Variants in HIPK2 observed in about 807,000 individuals in gnomAD.
HIPK2 encodes the protein homeodomain interacting protein kinase 2.
A neutral mutation model predicts 113.7 loss-of-function variants in HIPK2; 27 were observed. The ratio of observed to expected loss-of-function variants is 0.24; its 90% CI spans 0.17 to 0.33. The LOEUF (loss-of-function observed/expected upper bound fraction) is 0.33, where lower values mean the gene tolerates loss of function less well. HIPK2 is among the 10% of genes least tolerant of loss of function. The pLI, the probability that HIPK2 is intolerant of heterozygous loss-of-function variation, is 1.00. For missense variants in HIPK2, 1,257 were observed against 1,588.0 expected, an observed-to-expected ratio of 0.79 and a Z score of 3.54; for synonymous variants, 631 against 642.2, an observed-to-expected ratio of 0.98 and a Z score of 0.26.
At chr7:139,768,047 A>T (rs1459691588) in intron 1 of HIPK2, among the ~76,000 whole-genome samples, 3 of 152,224 alleles carry the variant, frequency 2.0e-5, no homozygotes, top group Non-Finnish European at 2.9e-5. Flanking sequence ...GTGGGTGTAC[A>T]TGTAGACCTG....
chr7:139,741,773 G>C (rs549508399), intron 1 of HIPK2, among the ~76,000 whole-genome samples: 3 of 152,320 alleles, frequency 2.0e-5, no homozygotes, highest in Admixed American at 2.0e-4. Context: ...TACTCAGTAT[G>C]ATCACCACCA....
intron 12 of HIPK2, among the ~76,000 whole-genome samples, chr7:139,591,729 A>C (rs1433710126): frequency 6.6e-6 from 1 of 152,254 alleles, no homozygotes; most frequent in African/African-American, 2.4e-5. Flanking sequence ...CACATGACTG[A>C]AATATTTTTC....
rs755787461 is a variant in HIPK2 at position 139,573,101 on chromosome 7, G to C, written c.3423C>G (p.Val1141=). 6.2e-7 allele frequency: 1 copy of C among 1,612,072 alleles called. No homozygotes were observed. Reference sequence around the variant, plus strand: ...GGCCCATGCTCACGGGGACCTGGTGGACGATGCTGGCTGGGTAGGCAGTGT... The same window carrying C: ...GGCCCATGCTCACGGGGACCTGGTGCACGATGCTGGCTGGGTAGGCAGTGT... ...VQHTAYPASI[V]HQVPVSMGPR... The change falls in exon 15 of 15, where the codon GTC becomes GTG. Residue 1141 remains valine, a synonymous_variant. Transcript: ENST00000406875.
intron 2 of HIPK2, among the ~76,000 whole-genome samples, chr7:139,677,500 C>A (rs964126522): frequency 6.6e-6 from 1 of 152,102 alleles, no homozygotes; most frequent in Non-Finnish European, 1.5e-5. Context: ...GGCCTTCTTG[C>A]TGAGCCCTCA....
At chr7:139,643,668 A>C (rs1801107380) in intron 2 of HIPK2, among the ~76,000 whole-genome samples, 1 of 152,216 alleles carries the variant, frequency 6.6e-6, no homozygotes, top group Non-Finnish European at 1.5e-5. Context: ...AGGGACATGG[A>C]TCCACCTAAA....
At chr7:139,689,166 C>T (rs1192074987) in intron 2 of HIPK2, among the ~76,000 whole-genome samples, 2 of 152,306 alleles carry the variant, frequency 1.3e-5, no homozygotes, top group Non-Finnish European at 1.5e-5. Flanking sequence ...ACGGACCCCA[C>T]AGAGTGCTCC....
intron 1 of HIPK2, among the ~76,000 whole-genome samples, chr7:139,732,407 G>T (rs1298885498): frequency 1.3e-5 from 2 of 152,202 alleles, no homozygotes; most frequent in East Asian, 3.8e-4. Context: ...GTGCTGGGAG[G>T]AGGTGCCCAC....
Position 139,673,985 on chromosome 7 carries a change from C to T in HIPK2, c.1103+41947G>A, listed in dbSNP as rs188617905. 3.7e-3 allele frequency among the ~76,000 whole-genome samples: 551 copies of T among 148,092 alleles called. 4 individuals carry two copies. Among genetic ancestry groups the T allele is most frequent in the African/African-American group, 0.013 (523 of 40,244 alleles). On this transcript the variant is annotated intron_variant, in intron 2 of 14. Coordinates refer to ENST00000406875, the MANE Select transcript of HIPK2 (RefSeq NM_022740.5). ...ACTCGGGAGGCTGAGGCAGAACAAT[C>T]GTTTGAGCTGAGGAGGCAGAGGTTG...
rs146123964 is a variant in HIPK2 at position 139,681,306 on chromosome 7, G to C, written c.1103+34626C>G. ...CTGCCGTCCATCCCAGGTCAGAGCT[G>C]GTGGCAGGAGAGAGGTGGGTGGGAG... On this transcript the variant is annotated intron_variant, in intron 2 of 14. Coordinates refer to ENST00000406875, the MANE Select transcript of HIPK2 (RefSeq NM_022740.5). 7.7e-3 allele frequency among the ~76,000 whole-genome samples: 1,175 copies of C among 152,288 alleles called. 17 individuals carry two copies. Among genetic ancestry groups the C allele is most frequent in the African/African-American group, 0.027 (1,115 of 41,558 alleles).
At chr7:139,752,075 A>G (rs974554697) in intron 1 of HIPK2, among the ~76,000 whole-genome samples, 3 of 152,216 alleles carry the variant, frequency 2.0e-5, no homozygotes, top group Non-Finnish European at 2.9e-5. Context: ...TTCAAAATCA[A>G]TTGTAACTGC....
chr7:139,745,853 G>T (rs1024525579), intron 1 of HIPK2, among the ~76,000 whole-genome samples: 2 of 152,172 alleles, frequency 1.3e-5, no homozygotes, highest in Non-Finnish European at 2.9e-5. Context: ...TTACTGAATT[G>T]AGAGGTCAAT....
At chr7:139,637,509 A>G (rs970361543) in intron 2 of HIPK2, among the ~76,000 whole-genome samples, 1 of 152,076 alleles carries the variant, frequency 6.6e-6, no homozygotes, top group Non-Finnish European at 1.5e-5. Flanking sequence ...TGGCTGTCAC[A>G]TGGCTGCCTC....
intron 12 of HIPK2, among the ~76,000 whole-genome samples, chr7:139,588,243 G>A (rs369946301): frequency 6.6e-6 from 1 of 151,936 alleles, no homozygotes; most frequent in East Asian, 1.9e-4. Flanking sequence ...ACTTGAACCC[G>A]GGAGGTGGAG....
At chr7:139,633,647 TAA>T (rs1293191453) in intron 2 of HIPK2, among the ~76,000 whole-genome samples, 7 of 130,726 alleles carry the variant, frequency 5.4e-5, no homozygotes, top group Admixed American at 7.6e-5. Flanking sequence ...CCCTGTTTCT[TAA>T]AAAAAAAAAA....
intron 1 of HIPK2, among the ~76,000 whole-genome samples, chr7:139,745,034 C>T (rs1796167200): frequency 6.6e-6 from 1 of 152,212 alleles, no homozygotes; most frequent in Non-Finnish European, 1.5e-5. Flanking sequence ...GGCTGGTGGG[C>T]ACAGTCACCC....
At position 139,572,748 on chromosome 7, in the gene HIPK2, C is replaced by A. The variant is rs1452868792; in HGVS notation, c.*179G>T. ...TTCAAGTTTCACTGGTGTCCCGACCCGTCCCCCTGCCCTCTGCCCCCCCCC... is the reference window on the plus strand; with the variant it reads ...TTCAAGTTTCACTGGTGTCCCGACCAGTCCCCCTGCCCTCTGCCCCCCCCC... On this transcript the variant is annotated 3_prime_UTR_variant, in exon 15 of 15. Coordinates refer to ENST00000406875, the MANE Select transcript of HIPK2 (RefSeq NM_022740.5). 1 of 542,718 alleles carries A rather than the reference C, an allele frequency of 1.8e-6. No homozygotes were observed. Among genetic ancestry groups the A allele is most frequent in the South Asian group, 2.8e-5 (1 of 36,034 alleles). 33.6% of individuals were successfully genotyped at this position (542,718 alleles called of 1,614,324 possible).
Position 139,714,550 on chromosome 7 carries a change from G to GT in HIPK2, c.1103+1381dup, listed in dbSNP as rs765852285. Among the ~76,000 whole-genome samples, 28 of 152,172 alleles carry GT rather than the reference G, an allele frequency of 1.8e-4. No individual in the cohort carries two copies. The highest frequency in any genetic ancestry group is 2.6e-4 in the Non-Finnish European group (18 of 68,028). The stretch of plus-strand genomic sequence containing the variant: ...CCCAGGAATGGGTGACAGGTCAGCT[G>GT]TGTCGACAAGGCCCTGGGGCATGTT... On this transcript the variant is annotated intron_variant, in intron 2 of 14. Coordinates refer to ENST00000406875, the MANE Select transcript of HIPK2 (RefSeq NM_022740.5). The surrounding 1 kb of genome is among the most constrained non-coding windows in gnomAD (Gnocchi z 4.2).
intron 1 of HIPK2, among the ~76,000 whole-genome samples, chr7:139,738,927 T>C (rs1322414753): frequency 6.6e-6 from 1 of 152,164 alleles, no homozygotes; most frequent in East Asian, 1.9e-4. Flanking sequence ...TGAATGAATA[T>C]TGTGGAGGCC....
Position 139,731,064 on chromosome 7 carries a change from G to C in HIPK2, c.20-14049C>G, listed in dbSNP as rs368742658. ...AGAGAAGACATTTCTGTTGTTTTAG[G>C]CCACCTATTAATAGTTTGTGTTAAT... On this transcript the variant is annotated intron_variant, in intron 1 of 14. Coordinates refer to ENST00000406875, the MANE Select transcript of HIPK2 (RefSeq NM_022740.5). Among the ~76,000 whole-genome samples, 174 of 152,304 alleles carry C rather than the reference G, an allele frequency of 1.1e-3. 1 individual carries two copies. Among genetic ancestry groups the C allele is most frequent in the African/African-American group, 3.9e-3 (161 of 41,556 alleles).
Sources: gnomAD v4.1 joint callset for allele counts (sites outside exome capture counted in the v4.1 genomes callset) on GRCh38, gnomAD v4.1.1 for gene constraint, Gnocchi (gnomAD v3.1) non-coding constraint, MANE v1.5 for transcripts, NCBI Gene and HGNC (gene_info 2026-07-23, HGNC 2026-07-21) for gene names.